NALF1: variants seen among roughly 807,000 people sequenced by gnomAD.
NALF1 encodes the protein NALCN channel auxiliary factor 1.
In NALF1, 3 loss-of-function variants were observed where a neutral mutation model predicts 48.4. The observed-to-expected ratio is 0.06, with a 90% CI of 0.03 to 0.16. NALF1 has a LOEUF of 0.16. NALF1 is among the 10% of genes least tolerant of loss of function. NALF1 has a pLI of 1.00. For missense variants in NALF1, 526 were observed against 571.5 expected, an observed-to-expected ratio of 0.92 and a Z score of 0.81; for synonymous variants, 262 against 245.7, an observed-to-expected ratio of 1.07 and a Z score of -0.62.
intron 1 of NALF1, among the ~76,000 whole-genome samples, chr13:107,487,375 T>C (rs959083552): frequency 6.6e-6 from 1 of 152,176 alleles, no homozygotes; most frequent in Non-Finnish European, 1.5e-5. Context: ...ATATTGTTGA[T>C]AAGGTACTTA....
intron 1 of NALF1, among the ~76,000 whole-genome samples, chr13:107,802,419 C>T (rs1218253820): frequency 6.6e-6 from 1 of 152,092 alleles, no homozygotes; most frequent in East Asian, 1.9e-4. Flanking sequence ...ACTAAAAATA[C>T]CAAAATCATA....
intron 1 of NALF1, among the ~76,000 whole-genome samples, chr13:107,398,139 C>T (rs562551713): frequency 6.6e-6 from 1 of 152,064 alleles, no homozygotes; most frequent in Non-Finnish European, 1.5e-5. Context: ...ACAATCTCCA[C>T]CTTTAAAAAC....
chr13:107,665,409 T>C (rs1282694787), intron 1 of NALF1, among the ~76,000 whole-genome samples: 1 of 152,144 alleles, frequency 6.6e-6, no homozygotes, highest in East Asian at 1.9e-4. Flanking sequence ...GCAATAGTTT[T>C]GTTTTTGTTT....
intron 1 of NALF1, among the ~76,000 whole-genome samples, chr13:107,473,989 C>G (rs1323331690): frequency 6.6e-6 from 1 of 152,182 alleles, no homozygotes; most frequent in East Asian, 1.9e-4. Flanking sequence ...GGTCTCCCCA[C>G]AGTCGTACAC....
chr13:107,342,974 A>T (rs1180244035), intron 1 of NALF1, among the ~76,000 whole-genome samples: 5 of 152,174 alleles, frequency 3.3e-5, no homozygotes, highest in African/African-American at 1.2e-4. Context: ...TAGAACAATC[A>T]GACAGATGGT....
At chr13:107,402,171 C>T (rs1177958716) in intron 1 of NALF1, among the ~76,000 whole-genome samples, 2 of 152,198 alleles carry the variant, frequency 1.3e-5, no homozygotes, top group African/African-American at 2.4e-5. Context: ...TGACTTCAGT[C>T]TTGCCAGCAG....
intron 1 of NALF1, among the ~76,000 whole-genome samples, chr13:107,864,620 C>T (rs1462490638): frequency 6.6e-6 from 1 of 152,092 alleles, no homozygotes; most frequent in Non-Finnish European, 1.5e-5. Flanking sequence ...AAGAAATTAC[C>T]CTTGGAACAA....
At chr13:107,437,457 T>C (rs1884481616) in intron 1 of NALF1, among the ~76,000 whole-genome samples, 1 of 152,222 alleles carries the variant, frequency 6.6e-6, no homozygotes, top group Admixed American at 6.5e-5. Flanking sequence ...AGATTATTCA[T>C]ATGGTTCATA....
intron 1 of NALF1, among the ~76,000 whole-genome samples, chr13:107,282,371 G>C (rs1881405709): frequency 6.6e-6 from 1 of 152,268 alleles, no homozygotes; most frequent in South Asian, 2.1e-4. Flanking sequence ...ACCTGAATTA[G>C]GGTCATAACA....
rs187902821 is a variant in NALF1 at position 107,483,821 on chromosome 13, T to A, written c.916-273066A>T. Among the ~76,000 whole-genome samples the A allele has an allele frequency of 1.5e-3, 223 of 152,040 alleles. 2 individuals are homozygous for A. The Middle Eastern group carries it at 0.028, about 19-fold the overall frequency. On this transcript the variant is annotated intron_variant, in intron 1 of 2. Coordinates refer to ENST00000375915, the MANE Select transcript of NALF1 (RefSeq NM_001080396.3). Reference sequence around the variant, plus strand: ...CATTAAATATAAATTAATATAACATTAAATTTTAAATTAATAGCATTAAAT... The same window carrying A: ...CATTAAATATAAATTAATATAACATAAAATTTTAAATTAATAGCATTAAAT...
chr13:107,631,802 C>T (rs1441395560), intron 1 of NALF1, among the ~76,000 whole-genome samples: 1 of 152,058 alleles, frequency 6.6e-6, no homozygotes, highest in Non-Finnish European at 1.5e-5. Flanking sequence ...ATATATATAG[C>T]CAGAAATATT....
chr13:107,818,453 T>C (rs925913251), intron 1 of NALF1, among the ~76,000 whole-genome samples: 1 of 152,222 alleles, frequency 6.6e-6, no homozygotes, highest in Admixed American at 6.5e-5. Flanking sequence ...GAAGGGGGTT[T>C]GTGGAGGTTG....
intron 1 of NALF1, among the ~76,000 whole-genome samples, chr13:107,662,828 A>T (rs1880764600): frequency 6.6e-6 from 1 of 152,210 alleles, no homozygotes; most frequent in Admixed American, 6.5e-5. Context: ...GGCTCAATGA[A>T]CATGTTTACA....
At chr13:107,235,304 C>T (rs1566459657) in intron 1 of NALF1, among the ~76,000 whole-genome samples, 1 of 152,022 alleles carries the variant, frequency 6.6e-6, no homozygotes, top group African/African-American at 2.4e-5. Flanking sequence ...TTCTGCTGCC[C>T]AAACAGCAAC....
intron 2 of NALF1, among the ~76,000 whole-genome samples, chr13:107,191,833 A>C (rs929696177): frequency 1.8e-5 from 2 of 112,224 alleles, no homozygotes; most frequent in Non-Finnish European, 1.7e-5. Context: ...CACTATGCCT[A>C]TTTTTTTTTT....
intron 1 of NALF1, among the ~76,000 whole-genome samples, chr13:107,672,423 G>T (rs1436684507): frequency 6.6e-6 from 1 of 152,120 alleles, no homozygotes; most frequent in African/African-American, 2.4e-5. Context: ...TAGGGGAGGT[G>T]CTCCCTGTAG....
At chr13:107,229,771 A>T (rs754933585) in intron 1 of NALF1, among the ~76,000 whole-genome samples, 21 of 152,206 alleles carry the variant, frequency 1.4e-4, no homozygotes, top group Non-Finnish European at 2.9e-4. Context: ...TTTCTCCATT[A>T]ACATTAATTA....
intron 1 of NALF1, among the ~76,000 whole-genome samples, chr13:107,384,893 T>G (rs57400142): frequency 0.033 from 4,975 of 152,268 alleles, 279 homozygotes; most frequent in African/African-American, 0.11. Flanking sequence ...CCATTAAGAT[T>G]GGGAGTCAGG....
In NALF1 at chr13:107,237,095, T is replaced by G. The variant is rs868715918; in HGVS notation, c.916-26340A>C. Among the ~76,000 whole-genome samples, 813 of 151,082 alleles carry G rather than the reference T, an allele frequency of 5.4e-3. 10 individuals are homozygous for G. Among genetic ancestry groups the G allele is most frequent in the African/African-American group, 0.019 (766 of 41,326 alleles). On this transcript the variant is annotated intron_variant, in intron 1 of 2. Coordinates refer to ENST00000375915, the MANE Select transcript of NALF1 (RefSeq NM_001080396.3). The stretch of plus-strand genomic sequence containing the variant: ...CAAGGGAAAACTGTATGTGGTTTTT[T>G]TTTTTTTTTTCTGTTTTTGATTATA...
Sources: allele counts gnomAD v4.1 joint callset (sites outside exome capture counted in the v4.1 genomes callset), GRCh38; gene constraint gnomAD v4.1.1; transcripts MANE v1.5; gene names NCBI Gene and HGNC (gene_info 2026-07-23, HGNC 2026-07-21).